The following ALK variants were observed in gnomAD, a reference collection of about 807,000 sequenced individuals.
ALK encodes ALK receptor tyrosine kinase.
In ALK, 74 loss-of-function variants were observed where a neutral mutation model predicts 163.1. That is an observed-to-expected ratio of 0.45 (90% CI 0.38 to 0.55). The LOEUF (loss-of-function observed/expected upper bound fraction) is 0.55, where lower values mean the gene tolerates loss of function less well. Among genes scored for constraint, ALK ranks in the 20% least tolerant of loss-of-function variants. The pLI, the probability that ALK is intolerant of heterozygous loss-of-function variation, is 0.00. For missense variants in ALK, 2,063 were observed against 2,105.3 expected, an observed-to-expected ratio of 0.98 and a Z score of 0.39; for synonymous variants, 960 against 843.2, an observed-to-expected ratio of 1.14 and a Z score of -2.40.
At chr2:29,916,703 G>A (rs142698185) in intron 1 of ALK, among the ~76,000 whole-genome samples, 2 of 152,324 alleles carry the variant, frequency 1.3e-5, no homozygotes, top group African/African-American at 4.8e-5. Context: ...TGGGGAGGGA[G>A]TGCTTACAGG....
At chr2:29,790,149 C>T (rs1664153196) in intron 1 of ALK, among the ~76,000 whole-genome samples, 1 of 152,076 alleles carries the variant, frequency 6.6e-6, no homozygotes, top group Admixed American at 6.5e-5. Flanking sequence ...CTAATGTATG[C>T]AGCTAAAGCA....
intron 5 of ALK, among the ~76,000 whole-genome samples, chr2:29,382,942 T>C (rs1269195268): frequency 2.0e-5 from 3 of 152,186 alleles, no homozygotes; most frequent in African/African-American, 4.8e-5. Context: ...GAGGGGTCAG[T>C]AGGGCTTCCT....
chr2:29,758,884 A>G (rs1680616785), intron 1 of ALK, among the ~76,000 whole-genome samples: 1 of 151,956 alleles, frequency 6.6e-6, no homozygotes, highest in Non-Finnish European at 1.5e-5. Context: ...GGGGCCCTTT[A>G]TACACAGCCA....
intron 1 of ALK, among the ~76,000 whole-genome samples, chr2:29,913,881 C>T (rs1035151766): frequency 6.7e-6 from 1 of 150,214 alleles, no homozygotes. Flanking sequence ...GCTGAAAATA[C>T]AGAAAGAACA....
chr2:29,683,886 T>A (rs975432658), intron 3 of ALK, among the ~76,000 whole-genome samples: 3 of 152,188 alleles, frequency 2.0e-5, no homozygotes, highest in African/African-American at 4.8e-5. Flanking sequence ...GTTTACAGAA[T>A]GGTCTCTTGT....
intron 1 of ALK, among the ~76,000 whole-genome samples, chr2:29,878,539 T>C (rs933802823): frequency 1.5e-4 from 23 of 152,190 alleles, no homozygotes; most frequent in Admixed American, 7.2e-4. Context: ...TAGGCAAATA[T>C]GCTGAAAGGT....
chr2:29,752,308 C>T (rs190686872), intron 1 of ALK, among the ~76,000 whole-genome samples: 74 of 150,622 alleles, frequency 4.9e-4, no homozygotes, highest in Non-Finnish European at 8.9e-4. Context: ...TGGTAGCTTA[C>T]GTGTATTCAA....
At chr2:29,854,700 G>C (rs1294566592) in intron 1 of ALK, among the ~76,000 whole-genome samples, 1 of 152,246 alleles carries the variant, frequency 6.6e-6, no homozygotes, top group African/African-American at 2.4e-5. Flanking sequence ...TGGGGTGAAG[G>C]ATCTTTGCAA....
chr2:29,437,635 A>G (rs150601225), intron 4 of ALK, among the ~76,000 whole-genome samples: 8 of 152,182 alleles, frequency 5.3e-5, no homozygotes, highest in East Asian at 1.9e-4. Flanking sequence ...GAGATAAACA[A>G]TTATAGAATT....
chr2:29,365,631 A>G (rs1480857596), intron 5 of ALK, among the ~76,000 whole-genome samples: 1 of 152,210 alleles, frequency 6.6e-6, no homozygotes, highest in Non-Finnish European at 1.5e-5. Context: ...TTGGTGTAAA[A>G]CTAAAGGATT....
At chr2:29,676,168 T>A (rs1677866898) in intron 3 of ALK, among the ~76,000 whole-genome samples, 1 of 152,082 alleles carries the variant, frequency 6.6e-6, no homozygotes, top group Admixed American at 6.6e-5. Context: ...ATTTTCCTAA[T>A]GGTGTCTTTT....
At chr2:29,645,792 T>C (rs1036640371) in intron 3 of ALK, among the ~76,000 whole-genome samples, 1 of 152,144 alleles carries the variant, frequency 6.6e-6, no homozygotes, top group African/African-American at 2.4e-5. Flanking sequence ...TTCCTTCACC[T>C]GACTTCTGGG....
At chr2:29,593,138 A>G (rs1269413992) in intron 3 of ALK, among the ~76,000 whole-genome samples, 1 of 152,216 alleles carries the variant, frequency 6.6e-6, no homozygotes, top group East Asian at 1.9e-4. Context: ...ATGAGTCCAC[A>G]GGTTACGTTA....
chr2:29,824,995 A>G (rs757457359), intron 1 of ALK, among the ~76,000 whole-genome samples: 49 of 152,318 alleles, frequency 3.2e-4, no homozygotes, highest in Non-Finnish European at 2.6e-4. Flanking sequence ...TAATTGAATC[A>G]TGGGAGCAAG....
intron 3 of ALK, among the ~76,000 whole-genome samples, chr2:29,677,722 G>A (rs1248396571): frequency 6.6e-6 from 1 of 151,974 alleles, no homozygotes; most frequent in Non-Finnish European, 1.5e-5. Context: ...CTTTTATGAG[G>A]GATATCGATC....
chr2:29,483,535 T>A (rs886286909), intron 4 of ALK, among the ~76,000 whole-genome samples: 2 of 152,216 alleles, frequency 1.3e-5, no homozygotes, highest in Non-Finnish European at 2.9e-5. Flanking sequence ...CATGTGCACA[T>A]CCAAGTTTGA....
chr2:29,821,015 G>A (rs1665032794), intron 1 of ALK, among the ~76,000 whole-genome samples: 1 of 152,176 alleles, frequency 6.6e-6, no homozygotes. Context: ...TGGATAGCAT[G>A]CTTATTCTAC....
chr2:29,303,609 A>G (rs1018730586), intron 8 of ALK, among the ~76,000 whole-genome samples: 1 of 152,204 alleles, frequency 6.6e-6, no homozygotes, highest in Admixed American at 6.5e-5. Context: ...ACGATTCACA[A>G]TAGCAAAGTC....
intron 22 of ALK, chr2:29,221,308 C>G: frequency 2.0e-6 from 1 of 487,916 alleles, no homozygotes; most frequent in Non-Finnish European, 4.1e-6. Flanking sequence ...ACGAGTCTAT[C>G]AGTTTCCCGT....
Sources: allele counts gnomAD v4.1 joint callset (sites outside exome capture counted in the v4.1 genomes callset), GRCh38; gene constraint gnomAD v4.1.1; transcripts MANE v1.5; gene names NCBI Gene and HGNC (gene_info 2026-07-23, HGNC 2026-07-21).